The following CABLES1 variants were observed in gnomAD, a reference collection of about 807,000 sequenced individuals.
CABLES1 encodes the protein CDK5 and ABL1 enzyme substrate 1.
CABLES1 carries 36 observed loss-of-function variants against 57.8 expected under a neutral mutation model. The observed-to-expected ratio is 0.62, with a 90% confidence interval of 0.48 to 0.82. The LOEUF (loss-of-function observed/expected upper bound fraction) is 0.82. Ranked by LOEUF, CABLES1 falls within the 40% of genes least tolerant of loss-of-function variation. The pLI is 0.00. For missense variants in CABLES1, 767 were observed against 836.6 expected, an observed-to-expected ratio of 0.92 and a Z score of 1.03; for synonymous variants, 374 against 363.0, an observed-to-expected ratio of 1.03 and a Z score of -0.35.
At chr18:23,165,158 T>C (rs2047033272) in intron 1 of CABLES1, among the ~76,000 whole-genome samples, 1 of 152,162 alleles carries the variant, frequency 6.6e-6, no homozygotes, top group Non-Finnish European at 1.5e-5. Context: ...CAGTGGTGCG[T>C]GATCATAGCT....
intron 7 of CABLES1, among the ~76,000 whole-genome samples, 172 bp downstream of exon 7, chr18:23,237,417 G>T (rs2047630204): frequency 1.3e-5 from 2 of 152,338 alleles, no homozygotes; most frequent in South Asian, 4.1e-4. Context: ...CCAGAATCCT[G>T]CTGGCCACCT....
rs1033394051 is a variant in CABLES1, at chr18:23,260,028, C to T, written c.*2661C>T. The T allele has an allele frequency of 5.4e-4, 82 of 152,108 alleles. No homozygotes were observed. The highest frequency in any genetic ancestry group is 2.0e-3 in the African/African-American group (81 of 41,384). The allele number at this position is 152,108 out of a possible 1,614,324, so 9.4% of individuals were successfully genotyped here. On this transcript the variant is annotated 3_prime_UTR_variant, in exon 10 of 10. Transcript: ENST00000256925. ...GGGGCCCGGGACTCCTCTAGTGAGC[C>T]TTGACTGTTAGGTAAGAGACAGGAA...
rs540371844 is a variant in CABLES1, at chr18:23,150,994, G to A, written c.845+14387G>A. ...ATTGTCTTTATTAGAAGCCGCTGGG[G>A]AGCACAGTGCCCTGGCCTACGTTTT... On this transcript the variant is annotated intron_variant, in intron 1 of 9. Transcript: ENST00000256925. 4.8e-4 allele frequency among the ~76,000 whole-genome samples: 72 copies of A among 151,084 alleles called. 1 individual carries two copies. Among genetic ancestry groups the A allele is most frequent in the African/African-American group, 1.7e-3 (72 of 41,144 alleles).
intron 1 of CABLES1, among the ~76,000 whole-genome samples, chr18:23,156,247 C>T (rs548290930): frequency 6.6e-6 from 1 of 152,300 alleles, no homozygotes; most frequent in Admixed American, 6.5e-5. Context: ...GAAGGAACCT[C>T]GGAGGCCCTG....
intron 4 of CABLES1, among the ~76,000 whole-genome samples, chr18:23,215,663 A>C (rs2047436240): frequency 6.6e-6 from 1 of 152,194 alleles, no homozygotes; most frequent in Non-Finnish European, 1.5e-5. Context: ...AAAGGCAGAG[A>C]AGGATGGATT....
At chr18:23,222,653 C>T (rs1379947870) in intron 4 of CABLES1, among the ~76,000 whole-genome samples, 2 of 151,666 alleles carry the variant, frequency 1.3e-5, no homozygotes, top group Non-Finnish European at 2.9e-5. Flanking sequence ...ATTGCCCCAA[C>T]AAAGGACAGC....
chr18:23,251,059 G>A (rs1013176864), intron 7 of CABLES1, among the ~76,000 whole-genome samples: 1 of 152,238 alleles, frequency 6.6e-6, no homozygotes, highest in Non-Finnish European at 1.5e-5. Context: ...GAGCTGTTAA[G>A]GAAACCTTTG....
intron 4 of CABLES1, among the ~76,000 whole-genome samples, chr18:23,222,177 C>T (rs543604615): frequency 1.3e-5 from 2 of 152,262 alleles, no homozygotes; most frequent in African/African-American, 4.8e-5. Context: ...AGCACAGCTC[C>T]TCTCTCAGCC....
At chr18:23,137,619 TTC>T (rs2046831700) in intron 1 of CABLES1, among the ~76,000 whole-genome samples, 1 of 152,210 alleles carries the variant, frequency 6.6e-6, no homozygotes, top group Non-Finnish European at 1.5e-5. Flanking sequence ...CTGCTAGAAT[TTC>T]TCTCTCCTAT....
intron 5 of CABLES1, 103 bp from the exon 6 acceptor site, chr18:23,235,792 G>C: frequency 8.6e-7 from 1 of 1,162,922 alleles, no homozygotes; most frequent in East Asian, 2.4e-5. Flanking sequence ...GCAAATAGGA[G>C]AAAGTGGACC....
chr18:23,162,959 C>G (rs1486339173), intron 1 of CABLES1, among the ~76,000 whole-genome samples: 1 of 152,210 alleles, frequency 6.6e-6, no homozygotes, highest in African/African-American at 2.4e-5. Flanking sequence ...TTAGCTCACT[C>G]TGGCTGCTCA....
At chr18:23,228,593 A>C (rs2047544305) in intron 4 of CABLES1, among the ~76,000 whole-genome samples, 1 of 152,120 alleles carries the variant, frequency 6.6e-6, no homozygotes, top group African/African-American at 2.4e-5. Flanking sequence ...CTCATTGCTT[A>C]ACGGTATAAC....
intron 4 of CABLES1, among the ~76,000 whole-genome samples, chr18:23,224,400 A>C (rs956297248): frequency 6.6e-6 from 1 of 152,100 alleles, no homozygotes; most frequent in Non-Finnish European, 1.5e-5. Flanking sequence ...GTCCTGGGAA[A>C]TGAACTAGCC....
intron 9 of CABLES1, among the ~76,000 whole-genome samples, chr18:23,254,311 C>T (rs546441884): frequency 1.1e-3 from 170 of 152,354 alleles, no homozygotes; most frequent in Non-Finnish European, 1.6e-3. Context: ...TGGCTTCCTA[C>T]TTCCTTAGCT....
intron 1 of CABLES1, among the ~76,000 whole-genome samples, chr18:23,182,523 C>T (rs942415403): frequency 3.9e-5 from 6 of 152,206 alleles, no homozygotes; most frequent in Non-Finnish European, 7.3e-5. Flanking sequence ...TCTAAAACCC[C>T]GTTTATCCAG....
rs1462430147 is a variant in CABLES1 at position 23,257,538 on chromosome 18, A to G, written c.*171A>G. The G allele has an allele frequency of 4.6e-6, 3 of 651,336 alleles. No homozygotes were observed. The highest frequency in any genetic ancestry group is 7.3e-6 in the Non-Finnish European group (3 of 408,568). The allele number at this position is 651,336 out of a possible 1,614,324, so 40.3% of individuals were successfully genotyped here. On this transcript the variant is annotated 3_prime_UTR_variant, in exon 10 of 10. Transcript: ENST00000256925. ...ACTTTCCAAGGAGTCTTGGGTGTGTAGCCAAGAGGAGCCATGAGCTATGGA... is the reference window on the plus strand; with the variant it reads ...ACTTTCCAAGGAGTCTTGGGTGTGTGGCCAAGAGGAGCCATGAGCTATGGA...
At chr18:23,238,678 G>A (rs2047664028) in intron 7 of CABLES1, among the ~76,000 whole-genome samples, 4 of 152,244 alleles carry the variant, frequency 2.6e-5, no homozygotes, top group African/African-American at 2.4e-5. Flanking sequence ...GATGCTTTAT[G>A]TGGTTCACTG....
At chr18:23,152,958 C>T (rs1456984304) in intron 1 of CABLES1, among the ~76,000 whole-genome samples, 1 of 150,720 alleles carries the variant, frequency 6.6e-6, no homozygotes, top group Non-Finnish European at 1.5e-5. Flanking sequence ...CCCACCACCA[C>T]GCCCTGCTGT....
chr18:23,235,615 A>G (rs2047600474), intron 5 of CABLES1, among the ~76,000 whole-genome samples: 1 of 152,236 alleles, frequency 6.6e-6, no homozygotes, highest in South Asian at 2.1e-4. Flanking sequence ...GTCCTGAGAT[A>G]GTACCTTATA....
Sources: allele counts gnomAD v4.1 joint callset (sites outside exome capture counted in the v4.1 genomes callset), GRCh38; gene constraint gnomAD v4.1.1; transcripts MANE v1.5; gene names NCBI Gene and HGNC (gene_info 2026-07-23, HGNC 2026-07-21).